PTK2: variants seen among roughly 807,000 people sequenced by gnomAD.
The protein encoded by PTK2 is protein tyrosine kinase 2.
A neutral mutation model predicts 150.1 loss-of-function variants in PTK2; 45 were observed. That is an observed-to-expected ratio of 0.30 (90% CI 0.24 to 0.38). The LOEUF is 0.38. PTK2 is among the 10% of genes least tolerant of loss of function. The probability of loss-of-function intolerance (pLI) is 1.00; values close to 1 mark genes in which losing one functional copy is unlikely to be tolerated. For missense variants in PTK2, 919 were observed against 1,307.3 expected (o/e 0.70, Z 4.58); for synonymous variants, 432 against 449.2 (o/e 0.96, Z 0.48).
chr8:140,907,824 T>C (rs1027663243), intron 2 of PTK2, among the ~76,000 whole-genome samples: 5 of 152,214 alleles, frequency 3.3e-5, no homozygotes, highest in Non-Finnish European at 7.3e-5. Flanking sequence ...GTGTGTGTCC[T>C]AACTGCTCCA....
intron 1 of PTK2, among the ~76,000 whole-genome samples, chr8:140,943,815 T>C (rs2100176704): frequency 6.6e-6 from 1 of 152,210 alleles, no homozygotes; most frequent in Non-Finnish European, 1.5e-5. Context: ...GTAATTTACA[T>C]TTCCTAACGA....
At chr8:140,712,875 G>A (rs1488758133) in intron 23 of PTK2, among the ~76,000 whole-genome samples, 3 of 152,138 alleles carry the variant, frequency 2.0e-5, no homozygotes, top group African/African-American at 7.2e-5. Flanking sequence ...TTTCTTCAAA[G>A]TCACAGCCTC....
At chr8:140,939,288 C>A (rs1603429556) in intron 1 of PTK2, among the ~76,000 whole-genome samples, 1 of 152,286 alleles carries the variant, frequency 6.6e-6, no homozygotes, top group East Asian at 1.9e-4. Flanking sequence ...CAAAATTTTT[C>A]ATTCAAGAAA....
intron 4 of PTK2, among the ~76,000 whole-genome samples, chr8:140,876,696 C>T (rs1218821938): frequency 2.0e-5 from 3 of 152,148 alleles, no homozygotes; most frequent in African/African-American, 7.2e-5. Context: ...CTTCATGTTA[C>T]ATAGACTTGC....
chr8:140,760,309 A>T (rs1327810366), intron 16 of PTK2, among the ~76,000 whole-genome samples: 3 of 152,194 alleles, frequency 2.0e-5, no homozygotes, highest in African/African-American at 7.2e-5. Context: ...TTAATAGTCA[A>T]AAAGTGGAAA....
chr8:140,670,079 G>A (rs954037229), intron 29 of PTK2: 9 of 240,594 alleles, frequency 3.7e-5, no homozygotes, highest in African/African-American at 1.8e-4. Flanking sequence ...AGGAGGAGGA[G>A]GACATATGGT....
At chr8:140,973,286 G>A (rs2100188040) in intron 1 of PTK2, among the ~76,000 whole-genome samples, 1 of 152,108 alleles carries the variant, frequency 6.6e-6, no homozygotes, top group Admixed American at 6.5e-5. Context: ...GTTTACCTGG[G>A]GACCCTGACC....
At chr8:140,898,358 GGC>G (rs2100157151) in intron 2 of PTK2, among the ~76,000 whole-genome samples, 1 of 152,146 alleles carries the variant, frequency 6.6e-6, no homozygotes. Flanking sequence ...ACTGAGTCCT[GGC>G]TCAGCCAGGC....
chr8:140,852,654 G>A (rs2100130043), intron 5 of PTK2, among the ~76,000 whole-genome samples: 2 of 152,052 alleles, frequency 1.3e-5, no homozygotes, highest in South Asian at 4.1e-4. Flanking sequence ...AACAAATTTT[G>A]TATTTTAAAA....
chr8:140,881,442 G>A (rs1001686663), intron 3 of PTK2, among the ~76,000 whole-genome samples: 7 of 152,068 alleles, frequency 4.6e-5, no homozygotes, highest in African/African-American at 1.7e-4. Context: ...GTCCAGCTCT[G>A]CCAGATCAAC....
chr8:140,804,800 G>C (rs1053012729), intron 10 of PTK2, among the ~76,000 whole-genome samples: 3 of 152,200 alleles, frequency 2.0e-5, no homozygotes, highest in Admixed American at 6.5e-5. Flanking sequence ...AGAGACATGT[G>C]TTTTGCAGGG....
intron 22 of PTK2, among the ~76,000 whole-genome samples, chr8:140,727,756 TCAAA>T (rs2100046792): frequency 5.9e-5 from 9 of 152,120 alleles, no homozygotes; most frequent in Non-Finnish European, 1.5e-5. Context: ...CTATAAAACA[TCAAA>T]AAGATGTGCT....
intron 2 of PTK2, among the ~76,000 whole-genome samples, chr8:140,895,023 A>G (rs1221222140): frequency 6.6e-6 from 1 of 152,236 alleles, no homozygotes; most frequent in Non-Finnish European, 1.5e-5. Flanking sequence ...ATATCAAGGG[A>G]CTAAAATTAT....
chr8:140,674,898 A>AAG (rs1554661643), intron 28 of PTK2, among the ~76,000 whole-genome samples: 4 of 150,238 alleles, frequency 2.7e-5, no homozygotes, highest in Non-Finnish European at 5.9e-5. Context: ...ATTAAAAAAA[A>AAG]AAAAGAAAAG....
chr8:140,706,718 C>T (rs529833533), intron 23 of PTK2, among the ~76,000 whole-genome samples: 2 of 152,264 alleles, frequency 1.3e-5, no homozygotes, highest in South Asian at 4.1e-4. Flanking sequence ...AGCAATTCTA[C>T]TTTCAGGTAT....
At chr8:140,933,204 A>G (rs2100172507) in intron 1 of PTK2, among the ~76,000 whole-genome samples, 1 of 141,738 alleles carries the variant, frequency 7.1e-6, no homozygotes, top group Non-Finnish European at 1.5e-5. Context: ...AAAAAAAAAA[A>G]GACTTGAGAT....
chr8:140,818,287 T>G, exon 10 of PTK2: 1 of 1,613,422 alleles, frequency 6.2e-7, no homozygotes. Flanking sequence ...ATTGCAGCCC[T>G]TGTCCGTTAG....
chr8:140,881,545 G>A (rs2100149060), intron 3 of PTK2, among the ~76,000 whole-genome samples: 1 of 152,186 alleles, frequency 6.6e-6, no homozygotes, highest in South Asian at 2.1e-4. Flanking sequence ...AATTCAAGAG[G>A]CGGCTCTCTC....
At chr8:140,920,981 A>C in intron 2 of PTK2, 1 of 1,325,922 alleles carries the variant, frequency 7.5e-7, no homozygotes. Context: ...CTGTGATAGT[A>C]TTTGCTTCGA....
Sources: allele counts gnomAD v4.1 joint callset (sites outside exome capture counted in the v4.1 genomes callset), GRCh38; gene constraint gnomAD v4.1.1; transcripts MANE v1.5; gene names NCBI Gene and HGNC (gene_info 2026-07-23, HGNC 2026-07-21).